The following AFF2 variants were observed in gnomAD, a reference collection of about 807,000 sequenced individuals.
AFF2 encodes the protein AF4/FMR2 family member 2.
A neutral mutation model predicts 76.9 loss-of-function variants in AFF2; 14 were observed. The ratio of observed to expected loss-of-function variants is 0.18; its 90% CI spans 0.12 to 0.28. AFF2 has a LOEUF of 0.28. Among genes scored for constraint, AFF2 ranks in the 10% least tolerant of loss-of-function variants. The pLI, the probability that AFF2 is intolerant of heterozygous loss-of-function variation, is 1.00. For synonymous variants in AFF2, 398 were observed against 366.7 expected (o/e 1.09, Z -0.98); for missense variants, 868 against 1,001.1 (o/e 0.87, Z 1.79).
chrX:148,783,921 C>A (rs782757693), intron 3 of AFF2, among the ~76,000 whole-genome samples: 1 of 111,717 alleles, frequency 9.0e-6, no homozygotes, highest in South Asian at 3.8e-4. Flanking sequence ...GGGCATCACA[C>A]AGTATTAGCA....
chrX:148,840,029 C>A (rs1158045571), intron 5 of AFF2, among the ~76,000 whole-genome samples: 5 of 110,167 alleles, frequency 4.5e-5, no homozygotes, highest in Admixed American at 3.9e-4. Context: ...TGAAAATTCT[C>A]AACTTACTTA....
intron 1 of AFF2, among the ~76,000 whole-genome samples, chrX:148,552,783 C>T (rs112184080): frequency 2.7e-5 from 3 of 112,019 alleles, no homozygotes; most frequent in African/African-American, 6.5e-5. Context: ...GAATGGAAGA[C>T]CTTAGAGCTT....
intron 3 of AFF2, among the ~76,000 whole-genome samples, chrX:148,694,234 T>C (rs1264398857): frequency 3.7e-5 from 4 of 109,139 alleles, no homozygotes; most frequent in Non-Finnish European, 5.7e-5. Context: ...AGTTAGTGGG[T>C]GCAGCGCACC....
At chrX:148,982,610 C>T (rs1305018777) in intron 19 of AFF2, among the ~76,000 whole-genome samples, 2 of 112,241 alleles carry the variant, frequency 1.8e-5, no homozygotes, top group Non-Finnish European at 3.8e-5. Flanking sequence ...ACTTCAAACC[C>T]TCCTAGGCTG....
intron 1 of AFF2, among the ~76,000 whole-genome samples, chrX:148,527,788 T>C (rs2052682299): frequency 8.9e-6 from 1 of 112,182 alleles, no homozygotes; most frequent in Non-Finnish European, 1.9e-5. Flanking sequence ...CTTTGTCATT[T>C]CCTGGACCAG....
intron 3 of AFF2, among the ~76,000 whole-genome samples, chrX:148,703,002 A>G (rs1374119837): frequency 8.9e-6 from 1 of 112,285 alleles, no homozygotes; most frequent in African/African-American, 3.2e-5. Flanking sequence ...GAAATCTGCC[A>G]GTATTTATAA....
intron 2 of AFF2, among the ~76,000 whole-genome samples, 163 bp downstream of exon 2, chrX:148,652,294 C>G (rs1020053199): frequency 8.9e-6 from 1 of 112,001 alleles, no homozygotes; most frequent in Non-Finnish European, 1.9e-5. Context: ...AAGTTTCTGA[C>G]GAAGTCTTCA....
Position 148,944,826 on chromosome X carries a change from G to C in AFF2, c.1398-8754G>C, listed in dbSNP as rs137983383. 6.8e-3 allele frequency among the ~76,000 whole-genome samples: 754 copies of C among 110,263 alleles called. 18 individuals carry two copies. Among genetic ancestry groups the C allele is most frequent in the Admixed American group, 0.065 (673 of 10,393 alleles). On this transcript the variant is annotated intron_variant, in intron 9 of 20. Transcript: ENST00000370460. ...CTTTTTTTCATTCAGGTTGAATCCA[G>C]GTGCCTTTTTTTCATTCCTTTGAAA...
chrX:148,504,681 C>A (rs1190913352), intron 1 of AFF2, among the ~76,000 whole-genome samples: 5 of 113,216 alleles, frequency 4.4e-5, no homozygotes, highest in African/African-American at 1.6e-4. Context: ...GGGCCTGCCC[C>A]AGCAGTCCGA....
chrX:148,864,478 A>AT lies in AFF2; in HGVS notation c.1262+21052dup, dbSNP rs200811445. 2.6e-3 allele frequency among the ~76,000 whole-genome samples: 287 copies of AT among 111,694 alleles called. 3 individuals are homozygous for AT. The East Asian group carries it at 0.049, about 19-fold the overall frequency. Reference sequence around the variant, plus strand: ...TCCACAAACACAACCATATAAACAGATTTTTTTCCCATGAACTCCATTCTA... The same window carrying AT: ...TCCACAAACACAACCATATAAACAGATTTTTTTTCCCATGAACTCCATTCTA... On this transcript the variant is annotated intron_variant, in intron 7 of 20. Transcript: ENST00000370460.
intron 3 of AFF2, among the ~76,000 whole-genome samples, chrX:148,706,467 A>T (rs1020290790): frequency 8.9e-6 from 1 of 112,468 alleles, no homozygotes; most frequent in African/African-American, 3.2e-5. Context: ...ACTTTGAGAA[A>T]GCTCACATGT....
intron 3 of AFF2, among the ~76,000 whole-genome samples, chrX:148,663,872 C>T (rs1468841178): frequency 2.7e-5 from 3 of 111,986 alleles, no homozygotes; most frequent in Non-Finnish European, 3.8e-5. Context: ...TTTCAGAGGA[C>T]GATGGGAACA....
rs183475331 is a variant in AFF2, at chrX:148,978,331, C to A, written c.3477-31C>A. The A allele has an allele frequency of 4.2e-3, 4,264 of 1,015,229 alleles. 9 individuals carry two copies. Among genetic ancestry groups the A allele is most frequent in the Non-Finnish European group, 4.6e-3 (3,304 of 720,081 alleles). 83.7% of individuals were successfully genotyped at this position (1,015,229 alleles called of 1,213,427 possible). ...TTTATAAAGTTTCACTAAGCACTGG[C>A]ATTAACAGAAGCCTTTCCTCATCAC... On this transcript the variant is annotated intron_variant, in intron 17 of 20. Transcript: ENST00000370460.
intron 3 of AFF2, among the ~76,000 whole-genome samples, chrX:148,731,662 G>A (rs996174155): frequency 3.7e-5 from 4 of 107,294 alleles, no homozygotes; most frequent in Admixed American, 2.0e-4. Flanking sequence ...GAAAATTTTC[G>A]CCACCTACTC....
intron 1 of AFF2, among the ~76,000 whole-genome samples, chrX:148,584,451 G>A (rs781886046): frequency 1.8e-5 from 2 of 111,792 alleles, no homozygotes; most frequent in South Asian, 7.5e-4. Context: ...AATAATCAAG[G>A]AAGGTATTGA....
chrX:148,894,772 A>G (rs2071262667), intron 8 of AFF2, among the ~76,000 whole-genome samples: 1 of 111,157 alleles, frequency 9.0e-6, no homozygotes, highest in African/African-American at 3.3e-5. Flanking sequence ...AAAGTAAAGA[A>G]AATCAGTATA....
intron 3 of AFF2, among the ~76,000 whole-genome samples, chrX:148,806,509 T>C (rs1349923014): frequency 8.9e-6 from 1 of 111,816 alleles, no homozygotes; most frequent in Non-Finnish European, 1.9e-5. Flanking sequence ...CTGTTTGGTC[T>C]TGTCTGTTTC....
At chrX:148,837,532 A>G in intron 4 of AFF2, 115 bp from the exon 5 acceptor site, 1 of 352,943 alleles carries the variant, frequency 2.8e-6, no homozygotes, top group South Asian at 4.1e-5. Flanking sequence ...CACCTTAAGT[A>G]TTAGGTCAGT....
intron 9 of AFF2, among the ~76,000 whole-genome samples, chrX:148,939,604 C>T (rs1386847498): frequency 8.9e-6 from 1 of 112,127 alleles, no homozygotes; most frequent in Non-Finnish European, 1.9e-5. Flanking sequence ...CAGAAGTCAA[C>T]ATTTCTGTCC....
Sources: allele counts gnomAD v4.1 joint callset (sites outside exome capture counted in the v4.1 genomes callset), GRCh38; gene constraint gnomAD v4.1.1; transcripts MANE v1.5; gene names NCBI Gene and HGNC (gene_info 2026-07-23, HGNC 2026-07-21).